The following HYDIN variants were observed in gnomAD, a reference collection of about 807,000 sequenced individuals.
The protein encoded by HYDIN is axonemal central pair apparatus protein HYDIN.
In HYDIN, 132 loss-of-function variants were observed where a neutral mutation model predicts 403.9. That is an observed-to-expected ratio of 0.33 (90% CI 0.28 to 0.38). HYDIN has a LOEUF of 0.38. HYDIN is among the 10% of genes least tolerant of loss of function. HYDIN has a pLI of 1.00. For missense variants in HYDIN, 2,827 were observed against 5,009.5 expected, an observed-to-expected ratio of 0.56 and a Z score of 13.15; for synonymous variants, 1,202 against 1,891.7, an observed-to-expected ratio of 0.64 and a Z score of 9.46.
intron 1 of HYDIN, among the ~76,000 whole-genome samples, chr16:71,230,079 T>C (rs1023567549): frequency 6.6e-6 from 1 of 152,200 alleles, no homozygotes; most frequent in African/African-American, 2.4e-5. Flanking sequence ...CCACCATGAT[T>C]GTGAGGCCTC....
chr16:70,883,145 T>C (rs1363190552), intron 59 of HYDIN, among the ~76,000 whole-genome samples: 1 of 152,188 alleles, frequency 6.6e-6, no homozygotes, highest in African/African-American at 2.4e-5. Flanking sequence ...GGGTGTGCTA[T>C]GGAGGGAAGG....
intron 45 of HYDIN, among the ~76,000 whole-genome samples, chr16:70,926,593 C>G (rs543905334): frequency 6.6e-5 from 10 of 151,582 alleles, no homozygotes; most frequent in African/African-American, 2.4e-4. Context: ...CACATGTACC[C>G]TAAAACTTAA....
At chr16:71,212,184 T>G (rs1244375177) in intron 1 of HYDIN, among the ~76,000 whole-genome samples, 1 of 152,172 alleles carries the variant, frequency 6.6e-6, no homozygotes, top group African/African-American at 2.4e-5. Context: ...GGATTGTAAA[T>G]TAGATAATAC....
Position 71,186,799 on chromosome 16 carries a change from T to C in HYDIN, c.97A>G (p.Ser33Gly), listed in dbSNP as rs75357093. 3.1e-3 allele frequency: 4,958 copies of C among 1,613,530 alleles called. 171 individuals carry two copies. The East Asian group carries it at 0.071, about 23-fold the overall frequency. Residue 33 changes from serine to glycine, a missense_variant, in exon 2 of 86, where the codon AGT becomes GGT. Transcript: ENST00000393567. ...GFQSKVLPPL[S>G]PKVVTEEEVN... Reference sequence around the variant, plus strand: ...TCTTCTTCTGTAACCACCTTTGGACTCAGGGGTGGCAAAACCTTGCTTTGA... The same window carrying C: ...TCTTCTTCTGTAACCACCTTTGGACCCAGGGGTGGCAAAACCTTGCTTTGA...
chr16:71,000,928 G>A (rs887683263), intron 23 of HYDIN, among the ~76,000 whole-genome samples: 1 of 152,054 alleles, frequency 6.6e-6, no homozygotes, highest in African/African-American at 2.4e-5. Flanking sequence ...TCATGAGCGC[G>A]GACATTGATT....
intron 84 of HYDIN, among the ~76,000 whole-genome samples, chr16:70,813,878 A>T (rs2143439585): frequency 6.6e-6 from 1 of 152,086 alleles, no homozygotes; most frequent in Non-Finnish European, 1.5e-5. Flanking sequence ...ACCTTACTCT[A>T]AGTAGGTAGT....
chr16:70,883,599 TTTG>T (rs1332524659), intron 59 of HYDIN, among the ~76,000 whole-genome samples: 1 of 151,414 alleles, frequency 6.6e-6, no homozygotes, highest in African/African-American at 2.4e-5. Flanking sequence ...TATTTATGTA[TTTG>T]TTTTTTTGAG....
At chr16:71,196,722 A>G (rs1412116551) in intron 1 of HYDIN, among the ~76,000 whole-genome samples, 1 of 152,192 alleles carries the variant, frequency 6.6e-6, no homozygotes, top group Non-Finnish European at 1.5e-5. Flanking sequence ...CTTGCTGATA[A>G]AACAGGCTGC....
chr16:71,171,838 T>A (rs1341125499), intron 5 of HYDIN, among the ~76,000 whole-genome samples: 1 of 152,204 alleles, frequency 6.6e-6, no homozygotes, highest in Non-Finnish European at 1.5e-5. Flanking sequence ...AGAAACTTCT[T>A]TATATTTTCT....
chr16:71,209,233 G>A (rs1391412802), intron 1 of HYDIN, among the ~76,000 whole-genome samples: 1 of 150,048 alleles, frequency 6.7e-6, no homozygotes, highest in Admixed American at 6.7e-5. Flanking sequence ...TGCAAGGTTG[G>A]TTCAACATAT....
At position 70,849,783 on chromosome 16, in the gene HYDIN, G is replaced by T. The variant is rs1277163265; in HGVS notation, c.12816C>A (p.Thr4272=). The T allele has an allele frequency of 3.6e-6, 3 of 823,338 alleles. No individual in the cohort carries two copies. Among genetic ancestry groups the T allele is most frequent in the Non-Finnish European group, 3.9e-6 (2 of 517,556 alleles). 51.0% of individuals were successfully genotyped at this position (823,338 alleles called of 1,614,324 possible). The change falls in exon 75 of 86, where the codon ACC becomes ACA. Residue 4272 remains threonine, a synonymous_variant. Transcript: ENST00000393567. ...ACTTCTTTAATGGTTGAAAAGACAGGGTGGCATGTACACTCTGTCCTACAT... is the reference window on the plus strand; with the variant it reads ...ACTTCTTTAATGGTTGAAAAGACAGTGTGGCATGTACACTCTGTCCTACAT... ...TVDVGQSVHA[T]LSFQPLKKCV...
At chr16:71,226,493 T>G (rs1353054134) in intron 1 of HYDIN, among the ~76,000 whole-genome samples, 1 of 152,188 alleles carries the variant, frequency 6.6e-6, no homozygotes, top group South Asian at 2.1e-4. Flanking sequence ...GAAAGAAACA[T>G]TGAGGAAAAT....
intron 62 of HYDIN, among the ~76,000 whole-genome samples, chr16:70,875,315 A>G (rs1420053489): frequency 1.3e-5 from 2 of 151,916 alleles, no homozygotes; most frequent in Non-Finnish European, 2.9e-5. Context: ...ATTCCTAAAA[A>G]CCAGTATCTC....
At chr16:71,011,076 T>TCCTGTAGGAGGA (rs2080066226) in intron 23 of HYDIN, among the ~76,000 whole-genome samples, 3 of 152,140 alleles carry the variant, frequency 2.0e-5, no homozygotes, top group African/African-American at 7.2e-5. Flanking sequence ...ACCCTAGAGC[T>TCCTGTAGGAGGA]CCTGTAGGAG....
intron 74 of HYDIN, 85 bp from the exon 75 acceptor site, chr16:70,850,032 T>C: frequency 1.7e-6 from 1 of 598,096 alleles, no homozygotes; most frequent in Admixed American, 2.9e-5. Context: ...ATGAAAAATA[T>C]CCTTTGGGAA....
At position 70,834,987 on chromosome 16, in the gene HYDIN, T is replaced by C. The variant is rs575384021; in HGVS notation, c.13401+689A>G. On this transcript the variant is annotated intron_variant, in intron 78 of 85. Transcript: ENST00000393567. ...ACACATATATGTGTGTATATATATA[T>C]ATATACACACATATATATATACACA... Among the ~76,000 whole-genome samples, 147 of 147,216 alleles carry C rather than the reference T, an allele frequency of 1.0e-3. 2 individuals are homozygous for C. The highest frequency in any genetic ancestry group is 7.3e-3 in the Middle Eastern group (2 of 274).
At chr16:71,189,335 T>C (rs1182555536) in intron 1 of HYDIN, among the ~76,000 whole-genome samples, 1 of 152,168 alleles carries the variant, frequency 6.6e-6, no homozygotes, top group Non-Finnish European at 1.5e-5. Context: ...GTAAGTGTTT[T>C]ACATATCAAA....
At chr16:70,966,063 G>A (rs1401195194) in intron 36 of HYDIN, among the ~76,000 whole-genome samples, 2 of 152,158 alleles carry the variant, frequency 1.3e-5, no homozygotes, top group Non-Finnish European at 2.9e-5. Flanking sequence ...CAAAGGCCTG[G>A]CAAACAAGCA....
intron 18 of HYDIN, among the ~76,000 whole-genome samples, chr16:71,046,708 T>C (rs2081461509): frequency 6.6e-6 from 1 of 152,230 alleles, no homozygotes; most frequent in Non-Finnish European, 1.5e-5. Flanking sequence ...ATAATCTAGA[T>C]GGATGTGTGT....
Sources: gnomAD v4.1 joint callset for allele counts (sites outside exome capture counted in the v4.1 genomes callset) on GRCh38, gnomAD v4.1.1 for gene constraint, MANE v1.5 for transcripts, NCBI Gene and HGNC (gene_info 2026-07-23, HGNC 2026-07-21) for gene names.